Variants in ANKHD1 observed in about 807,000 individuals in gnomAD.
ANKHD1 encodes the protein ankyrin repeat and KH domain containing 1.
A neutral mutation model predicts 230.5 loss-of-function variants in ANKHD1; 31 were observed. The observed-to-expected ratio is 0.13, with a 90% CI of 0.10 to 0.18. The LOEUF (loss-of-function observed/expected upper bound fraction) is 0.18. Among genes scored for constraint, ANKHD1 ranks in the 10% least tolerant of loss-of-function variants. The pLI is 1.00. For missense variants in ANKHD1, 2,256 were observed against 3,071.3 expected (o/e 0.73, Z 6.27); for synonymous variants, 1,074 against 1,117.6 (o/e 0.96, Z 0.78).
intron 1 of ANKHD1, among the ~76,000 whole-genome samples, chr5:140,417,585 G>T (rs1202338997): frequency 6.6e-6 from 1 of 151,572 alleles, no homozygotes; most frequent in Non-Finnish European, 1.5e-5. Flanking sequence ...AGTATAGCTG[G>T]GACTATAGGT....
In ANKHD1 at chr5:140,497,877, C is replaced by CCACACACA. The variant is rs36224738; in HGVS notation, c.3004+636_3004+643dup. 3.9e-3 allele frequency among the ~76,000 whole-genome samples: 566 copies of CCACACACA among 144,590 alleles called. 3 individuals are homozygous for CCACACACA. The highest frequency in any genetic ancestry group is 8.9e-3 in the East Asian group (44 of 4,942). The allele number at this position is 144,590 out of a possible 152,430, so 94.9% of individuals were successfully genotyped here. On this transcript the variant is annotated intron_variant, in intron 15 of 33. Coordinates refer to ENST00000360839, the MANE Select transcript of ANKHD1 (RefSeq NM_017747.3). ...AATGAAAGCACACAACCACACCACACCACACACACACACACACACACACAC... is the reference window on the plus strand; with the variant it reads ...AATGAAAGCACACAACCACACCACACCACACACACACACACACACACACACACACACAC...
chr5:140,471,582 G>A (rs1776500205), intron 10 of ANKHD1, among the ~76,000 whole-genome samples: 1 of 152,206 alleles, frequency 6.6e-6, no homozygotes, highest in Non-Finnish European at 1.5e-5. Context: ...AAATTGGAAT[G>A]ACTTAGAGTG....
rs1751480411 is a variant in ANKHD1 at position 140,485,911 on chromosome 5, AT to A, written c.2142+181del. 1.1e-6 allele frequency: 1 copy of A among 932,514 alleles called. No individual in the cohort carries two copies. Among genetic ancestry groups the A allele is most frequent in the Non-Finnish European group, 1.5e-6 (1 of 653,710 alleles). The allele number at this position is 932,514 out of a possible 1,614,324, so 57.8% of individuals were successfully genotyped here. Reference sequence around the variant, plus strand: ...CTTTAAAGGTACACTGAAATTTGTTATTGCCTTATTTATTGAGAATAGTGGT... The same window carrying A: ...CTTTAAAGGTACACTGAAATTTGTTATGCCTTATTTATTGAGAATAGTGGT... On this transcript the variant is annotated intron_variant, in intron 13 of 33. Coordinates refer to ENST00000360839, the MANE Select transcript of ANKHD1 (RefSeq NM_017747.3). This position sits in a 1 kb window ranked among gnomAD's most constrained non-coding sequence, Gnocchi z 4.8.
At chr5:140,497,877 CCACACACACACACACACA>C (rs36224738) in intron 15 of ANKHD1, among the ~76,000 whole-genome samples, 15 of 144,606 alleles carry the variant, frequency 1.0e-4, no homozygotes, top group Middle Eastern at 3.5e-3. Flanking sequence ...CCACACCACA[CCACACACACACACACACA>C]CACACACACA....
chr5:140,437,740 TATTAA>T (rs1478820927), intron 2 of ANKHD1, among the ~76,000 whole-genome samples: 1 of 152,116 alleles, frequency 6.6e-6, no homozygotes, highest in Non-Finnish European at 1.5e-5. Flanking sequence ...TGACAACTAT[TATTAA>T]ATTAGTCCCT....
At chr5:140,429,090 ATTTTT>A (rs373838876) in intron 1 of ANKHD1, among the ~76,000 whole-genome samples, 1 of 109,564 alleles carries the variant, frequency 9.1e-6, no homozygotes, top group African/African-American at 3.5e-5. Context: ...CCGGCCTAGA[ATTTTT>A]TTTTTTTTTT....
At chr5:140,467,418 A>G (rs1248671154) in intron 10 of ANKHD1, among the ~76,000 whole-genome samples, 3 of 152,210 alleles carry the variant, frequency 2.0e-5, no homozygotes, top group East Asian at 1.9e-4. Flanking sequence ...TATAAAAAGC[A>G]ATACTGTTCT....
intron 1 of ANKHD1, among the ~76,000 whole-genome samples, chr5:140,419,826 CTTTCTTTCTT>C (rs1771778147): frequency 1.0e-5 from 1 of 95,886 alleles, no homozygotes; most frequent in African/African-American, 3.9e-5. Flanking sequence ...TTCTTTCTTT[CTTTCTTTCTT>C]TTTCTTTCTC....
chr5:140,402,018 C>T lies in ANKHD1; in HGVS notation c.51C>T (p.Asp17=), dbSNP rs1211529338. The T allele has an allele frequency of 7.3e-6, 11 of 1,514,170 alleles. No homozygotes were observed. The highest frequency in any genetic ancestry group is 8.8e-6 in the Non-Finnish European group (10 of 1,138,264). 93.8% of individuals were successfully genotyped at this position (1,514,170 alleles called of 1,614,324 possible). A position where few individuals can be genotyped will look rare whatever the true frequency, so the allele number is the denominator to read the frequency against. Residue 17 remains aspartate (D), a synonymous_variant, in exon 1 of 34, where the codon GAC becomes GAT. Coordinates refer to ENST00000360839, the MANE Select transcript of ANKHD1 (RefSeq NM_017747.3). ...GCACCTCCTTTGAGGAGGACCTGGA[C>T]TCTGTGGCTCCGCGATCCGCCCCAG... ...GGGTSFEEDL[D]SVAPRSAPAG...
chr5:140,464,571 C>T, intron 9 of ANKHD1, 96 bp from the exon 10 acceptor site: 1 of 1,048,324 alleles, frequency 9.5e-7, no homozygotes, highest in Non-Finnish European at 1.3e-6. Flanking sequence ...GATATTTTCA[C>T]ATTTTGAATT....
chr5:140,436,024 G>A, intron 1 of ANKHD1, 80 bp from the exon 2 acceptor site: 3 of 1,333,172 alleles, frequency 2.3e-6, no homozygotes, highest in Admixed American at 7.4e-5. Flanking sequence ...TAATTAAGAA[G>A]TCATATTACC....
intron 29 of ANKHD1, among the ~76,000 whole-genome samples, 187 bp downstream of exon 29, chr5:140,529,983 A>C (rs895910238): frequency 1.6e-4 from 25 of 151,926 alleles, no homozygotes; most frequent in African/African-American, 5.6e-4. Context: ...TTTTCTTGGA[A>C]TTGGTGTCTA....
chr5:140,534,235 A>G (rs1327953743), intron 29 of ANKHD1, among the ~76,000 whole-genome samples: 2 of 152,132 alleles, frequency 1.3e-5, no homozygotes, highest in African/African-American at 4.8e-5. Flanking sequence ...TACTAAAAAT[A>G]CAAAAAATTA....
intron 25 of ANKHD1, 146 bp from the exon 26 acceptor site, chr5:140,525,850 A>AG (rs1203461551): frequency 9.6e-7 from 1 of 1,043,558 alleles, no homozygotes; most frequent in Non-Finnish European, 1.3e-6. Context: ...AAAAAAAAAA[A>AG]GATTTCTTTA....
In ANKHD1 at chr5:140,524,755, G is replaced by A. The variant is rs147545078; in HGVS notation, c.4492+515G>A. On this transcript the variant is annotated intron_variant, in intron 25 of 33. Transcript: ENST00000360839. The stretch of plus-strand genomic sequence containing the variant: ...AATTCTAAAATACTATTTGAAAAAT[G>A]TCCTAAATTCAAATTATATTGTGGT... 3.7e-3 allele frequency among the ~76,000 whole-genome samples: 556 copies of A among 152,150 alleles called. 6 individuals carry two copies. The highest frequency in any genetic ancestry group is 0.013 in the African/African-American group (542 of 41,508).
chr5:140,477,926 A>G (rs1439361481), intron 10 of ANKHD1, among the ~76,000 whole-genome samples: 2 of 152,196 alleles, frequency 1.3e-5, no homozygotes, highest in Non-Finnish European at 2.9e-5. Flanking sequence ...ATACTTTTAT[A>G]AAATTCATGG....
chr5:140,416,664 T>G (rs1236574411), intron 1 of ANKHD1, among the ~76,000 whole-genome samples: 1 of 152,100 alleles, frequency 6.6e-6, no homozygotes, highest in Admixed American at 6.6e-5. Context: ...TTTTAATTTT[T>G]TATAGAGATG....
intron 10 of ANKHD1, among the ~76,000 whole-genome samples, chr5:140,480,140 A>G (rs1353559324): frequency 6.6e-6 from 1 of 152,086 alleles, no homozygotes; most frequent in Non-Finnish European, 1.5e-5. Flanking sequence ...AAGACACAAA[A>G]TGTTGTAATA....
At position 140,485,934 on chromosome 5, in the gene ANKHD1, T is replaced by C. The variant is rs1322047013; in HGVS notation, c.2142+202T>C. On this transcript the variant is annotated intron_variant, in intron 13 of 33. Transcript: ENST00000360839. The surrounding 1 kb of genome is among the most constrained non-coding windows in gnomAD (Gnocchi z 4.8). The stretch of plus-strand genomic sequence containing the variant: ...TTATTGCCTTATTTATTGAGAATAG[T>C]GGTTTTTAAAAACCACTTAATATCA... 1.7e-5 allele frequency: 13 copies of C among 766,324 alleles called. No individual in the cohort carries two copies. The highest frequency in any genetic ancestry group is 2.3e-5 in the Non-Finnish European group (12 of 518,618). The allele number at this position is 766,324 out of a possible 1,614,324, so 47.5% of individuals were successfully genotyped here.
Sources: allele counts gnomAD v4.1 joint callset (sites outside exome capture counted in the v4.1 genomes callset), GRCh38; gene constraint gnomAD v4.1.1; non-coding constraint Gnocchi (gnomAD v3.1); transcripts MANE v1.5; gene names NCBI Gene and HGNC (gene_info 2026-07-23, HGNC 2026-07-21).